HTR2B: variants seen among roughly 807,000 people sequenced by gnomAD.
HTR2B encodes the protein 5-HT 2B receptor.
A neutral mutation model predicts 39.8 loss-of-function variants in HTR2B; 31 were observed. The observed-to-expected ratio is 0.78, with a 90% CI of 0.58 to 1.05. The LOEUF (loss-of-function observed/expected upper bound fraction) is 1.05. HTR2B is among the 50% of genes least tolerant of loss of function. The probability of loss-of-function intolerance (pLI) is 0.00; values close to 1 mark genes in which losing one functional copy is unlikely to be tolerated. For missense variants in HTR2B, 562 were observed against 578.0 expected (o/e 0.97, Z 0.28); for synonymous variants, 210 against 207.1 (o/e 1.01, Z -0.12).
At chr2:231,118,194 T>C (rs1695409110) in intron 2 of HTR2B, among the ~76,000 whole-genome samples, 1 of 151,658 alleles carries the variant, frequency 6.6e-6, no homozygotes, top group Admixed American at 6.6e-5. Context: ...ATGTGAAGTG[T>C]TTAGAACAGT....
At position 231,113,714 on chromosome 2, in the gene HTR2B, G is replaced by T. The variant is rs750741971; in HGVS notation, c.553+15C>A. On this transcript the variant is annotated intron_variant, in intron 3 of 3. Transcript: ENST00000258400. ...GATTTTGTATACCACCCACACTCTG[G>T]CATTCTCTACATACCTATTGAAATT... 1 of 1,606,216 alleles carries T rather than the reference G, an allele frequency of 6.2e-7. No homozygotes were observed. The highest frequency in any genetic ancestry group is 8.5e-7 in the Non-Finnish European group (1 of 1,173,354).
intron 2 of HTR2B, among the ~76,000 whole-genome samples, chr2:231,118,118 T>C (rs1695405678): frequency 6.8e-6 from 1 of 146,406 alleles, no homozygotes. Flanking sequence ...CTCTGTAAAG[T>C]GGGGATAATA....
chr2:231,119,195 T>G (rs2125224736), intron 2 of HTR2B, among the ~76,000 whole-genome samples: 2 of 152,346 alleles, frequency 1.3e-5, no homozygotes, highest in South Asian at 4.1e-4. Context: ...ATTGCTTTTC[T>G]CCTCCATTTC....
intron 1 of HTR2B, among the ~76,000 whole-genome samples, chr2:231,124,625 T>C (rs1396137338): frequency 6.6e-6 from 1 of 152,202 alleles, no homozygotes; most frequent in Non-Finnish European, 1.5e-5. Context: ...TAATTGTGTT[T>C]AGTAATTTCA....
At chr2:231,119,481 T>C (rs767535504) in intron 2 of HTR2B, among the ~76,000 whole-genome samples, 1 of 152,208 alleles carries the variant, frequency 6.6e-6, no homozygotes, top group Non-Finnish European at 1.5e-5. Context: ...CCCTGGGATG[T>C]CTTGCTTCAA....
intron 2 of HTR2B, among the ~76,000 whole-genome samples, chr2:231,119,288 A>T (rs1365303671): frequency 6.6e-6 from 1 of 152,188 alleles, no homozygotes; most frequent in African/African-American, 2.4e-5. Context: ...TTCATCTCTG[A>T]TTAGACTTGC....
In HTR2B at chr2:231,109,080, T is replaced by A; in HGVS notation, c.883A>T (p.Asn295Tyr). ...CGCATAAGTGTTTCATCACCTGAGT[T>A]GGGCAGAGCCTTGTCCTTTCGAGAA... is the stretch of plus-strand genomic sequence containing the variant. ...DGSRKDKALPNSGDETLMRRT... is the reference protein window; with the variant it reads ...DGSRKDKALPYSGDETLMRRT... The change falls in exon 4 of 4, where the codon AAC (asparagine) becomes TAC (tyrosine). Residue 295 changes from asparagine (N) to tyrosine (Y), a missense_variant. Transcript: ENST00000258400. 6.2e-7 allele frequency: 1 copy of A among 1,614,256 alleles called. No individual in the cohort carries two copies. Among genetic ancestry groups the A allele is most frequent in the Non-Finnish European group, 8.5e-7 (1 of 1,180,044 alleles).
Position 231,123,450 on chromosome 2 carries a change from C to T in HTR2B, c.315G>A (p.Leu105=), listed in dbSNP as rs373526985. 10 of 1,613,994 alleles carry T rather than the reference C, an allele frequency of 6.2e-6. No individual in the cohort carries two copies. In the Middle Eastern group the frequency reaches 5.0e-4, roughly 80 times the overall value. Residue 105 remains leucine, a synonymous_variant, in exon 2 of 4, where the codon TTG becomes TTA. Coordinates refer to ENST00000258400, the MANE Select transcript of HTR2B (RefSeq NM_000867.5). ...SLAVADLLVG[L]FVMPIALLTI... ...TCAAGAGGGCAATTGGCATCACAAA[C>T]AATCCAACCAGCAAATCAGCCACCG...
chr2:231,114,103 C>G (rs1695252513), intron 2 of HTR2B, among the ~76,000 whole-genome samples, 174 bp from the exon 3 acceptor site: 1 of 152,150 alleles, frequency 6.6e-6, no homozygotes, highest in South Asian at 2.1e-4. Flanking sequence ...TTCAATATTT[C>G]TGTGGATGGT....
intron 2 of HTR2B, among the ~76,000 whole-genome samples, chr2:231,114,216 G>A (rs1039003528): frequency 1.3e-5 from 2 of 151,980 alleles, no homozygotes; most frequent in Non-Finnish European, 2.9e-5. Context: ...CTCTTTTGTC[G>A]ATTCCATTTG....
chr2:231,112,053 G>A (rs889451631), intron 3 of HTR2B, among the ~76,000 whole-genome samples: 11 of 152,028 alleles, frequency 7.2e-5, no homozygotes, highest in Admixed American at 3.9e-4. Flanking sequence ...TTATTAGCTT[G>A]ATCACATTTC....
chr2:231,116,877 T>G (rs1224368741), intron 2 of HTR2B, among the ~76,000 whole-genome samples: 1 of 152,084 alleles, frequency 6.6e-6, no homozygotes, highest in Non-Finnish European at 1.5e-5. Flanking sequence ...ATTTCAAGTT[T>G]CGTGAAACAC....
chr2:231,113,965 T>C lies in HTR2B; in HGVS notation c.353-36A>G, dbSNP rs776917018. ...CAAAAACAAGACAAACATTTTATTC[T>C]ATAAAATGGCAACTTTCAGTCTACA... On this transcript the variant is annotated intron_variant, in intron 2 of 3. Transcript: ENST00000258400. 1.1e-5 allele frequency: 17 copies of C among 1,544,048 alleles called. No individual in the cohort carries two copies. The East Asian group carries it at 2.3e-4, about 21-fold the overall frequency.
At chr2:231,112,277 A>G (rs916622026) in intron 3 of HTR2B, among the ~76,000 whole-genome samples, 10 of 152,170 alleles carry the variant, frequency 6.6e-5, no homozygotes, top group African/African-American at 2.4e-4. Flanking sequence ...TTTAATTTTC[A>G]CCCATTGTCT....
Position 231,109,009 on chromosome 2 carries a change from G to C in HTR2B, c.954C>G (p.Asn318Lys), listed in dbSNP as rs371120289. ...CTAGGACCTTTGAGGCTCTCTGTTC[G>C]TTGGAAATGGTCTGCACTGACTTTT... ...IGKKSVQTIS[N>K]EQRASKVLGI... Residue 318 changes from asparagine (N) to lysine (K), a missense_variant, in exon 4 of 4, where the codon AAC becomes AAG. Asn to Lys is a moderately conservative substitution (Grantham distance 94). Coordinates refer to ENST00000258400, the MANE Select transcript of HTR2B (RefSeq NM_000867.5). The C allele has an allele frequency of 3.1e-6, 5 of 1,614,078 alleles. No individual in the cohort carries two copies. The highest frequency in any genetic ancestry group is 4.2e-6 in the Non-Finnish European group (5 of 1,180,032).
At chr2:231,119,510 T>C (rs1199178973) in intron 2 of HTR2B, among the ~76,000 whole-genome samples, 2 of 152,266 alleles carry the variant, frequency 1.3e-5, no homozygotes, top group Non-Finnish European at 1.5e-5. Flanking sequence ...CTTTCAGCCA[T>C]TTTATATACT....
In HTR2B at chr2:231,113,747, C is replaced by T; in HGVS notation, c.535G>A (p.Val179Met). 1 of 1,613,974 alleles carries T rather than the reference C, an allele frequency of 6.2e-7. No homozygotes were observed. Among genetic ancestry groups the T allele is most frequent in the East Asian group, 2.2e-5 (1 of 44,874 alleles). The part of the protein sequence containing the change: ...RATAFIKITV[V>M]WLISIGIAIP... ...TACATACCTATTGAAATTAACCACACCACTGTAATCTTGATGAATGCTGTA... is the reference window on the plus strand; with the variant it reads ...TACATACCTATTGAAATTAACCACATCACTGTAATCTTGATGAATGCTGTA... Residue 179 changes from valine (V) to methionine (M), a missense_variant, in exon 3 of 4, where the codon GTG becomes ATG. Coordinates refer to ENST00000258400, the MANE Select transcript of HTR2B (RefSeq NM_000867.5).
intron 3 of HTR2B, among the ~76,000 whole-genome samples, chr2:231,110,358 C>T (rs1695116917): frequency 1.3e-5 from 2 of 152,034 alleles, no homozygotes; most frequent in Non-Finnish European, 1.5e-5. Flanking sequence ...AAGAAATATA[C>T]CTCATGTTAG....
rs1200324544 is a variant in HTR2B, at chr2:231,109,297, T to C, written c.666A>G (p.Ser222=). 2 of 1,614,024 alleles carry C rather than the reference T, an allele frequency of 1.2e-6. No individual in the cohort carries two copies. Among genetic ancestry groups the C allele is most frequent in the African/African-American group, 2.7e-5 (2 of 74,930 alleles). The change falls in exon 4 of 4, where the codon TCA becomes TCG. Residue 222 remains serine, a synonymous_variant. Coordinates refer to ENST00000258400, the MANE Select transcript of HTR2B (RefSeq NM_000867.5). The part of the protein sequence containing the change: ...ERFGDFMLFG[S]LAAFFTPLAI... ...CAAGAGGTGTGAAGAAGGCAGCCAG[T>C]GAGCCAAAGAGCATGAAATCGCCAA... is the stretch of plus-strand genomic sequence containing the variant.
Sources: gnomAD v4.1 joint callset for allele counts (sites outside exome capture counted in the v4.1 genomes callset) on GRCh38, gnomAD v4.1.1 for gene constraint, MANE v1.5 for transcripts, NCBI Gene and HGNC (gene_info 2026-07-23, HGNC 2026-07-21) for gene names.